NEK10: variants seen among roughly 807,000 people sequenced by gnomAD.
NEK10 encodes NIMA related kinase 10.
In NEK10, 122 loss-of-function variants were observed where a neutral mutation model predicts 159.8. The observed-to-expected ratio is 0.76, with a 90% confidence interval of 0.66 to 0.89. The LOEUF (loss-of-function observed/expected upper bound fraction) is 0.89. Ranked by LOEUF, NEK10 falls within the 40% of genes least tolerant of loss-of-function variation. The pLI, the probability that NEK10 is intolerant of heterozygous loss-of-function variation, is 0.00. For missense variants in NEK10, 1,342 were observed against 1,323.1 expected, an observed-to-expected ratio of 1.01 and a Z score of -0.22; for synonymous variants, 466 against 457.1, an observed-to-expected ratio of 1.02 and a Z score of -0.25.
intron 23 of NEK10, among the ~76,000 whole-genome samples, chr3:27,247,287 A>C (rs192404026): frequency 6.6e-6 from 1 of 151,972 alleles, no homozygotes; most frequent in African/African-American, 2.4e-5. Context: ...TTTTATGTTG[A>C]GGTATGTTCT....
chr3:27,310,819 A>C (rs1575689896), intron 9 of NEK10, 130 bp downstream of exon 9: 1 of 541,064 alleles, frequency 1.8e-6, no homozygotes, highest in East Asian at 3.0e-5. Flanking sequence ...AAAGATCCAC[A>C]ATCTCAGGCC....
intron 20 of NEK10, among the ~76,000 whole-genome samples, chr3:27,287,136 T>TAAAAAAAAAAAAAAAAAAAAAAAAA (rs36078735): frequency 7.4e-6 from 1 of 134,512 alleles, no homozygotes; most frequent in Non-Finnish European, 1.6e-5. Flanking sequence ...AGGCCCTACT[T>TAAAAAAAAAAAAAAAAAAAAAAAAA]AAAAAAAAAA....
intron 23 of NEK10, among the ~76,000 whole-genome samples, chr3:27,211,697 CA>C (rs1220601358): frequency 6.6e-6 from 1 of 152,122 alleles, no homozygotes; most frequent in East Asian, 1.9e-4. Flanking sequence ...CGTTCATCTC[CA>C]AGCAATACTA....
intron 5 of NEK10, among the ~76,000 whole-genome samples, chr3:27,339,562 C>T (rs1240436690): frequency 1.3e-5 from 2 of 152,066 alleles, no homozygotes; most frequent in South Asian, 2.1e-4. Context: ...GGAAGGATCA[C>T]GAGGTCAAGA....
rs528599043 is a variant in NEK10 at position 27,150,414 on chromosome 3, C to T, written c.2870-8832G>A. 3.9e-5 allele frequency among the ~76,000 whole-genome samples: 6 copies of T among 152,272 alleles called. No individual in the cohort carries two copies. The East Asian group carries it at 1.2e-3, about 29-fold the overall frequency. On this transcript the variant is annotated intron_variant, in intron 30 of 35. Coordinates refer to ENST00000691995, the MANE Select transcript of NEK10 (RefSeq NM_001394966.1). ...GTTAGGAGCTAACGCAACAGGTAAT[C>T]TTAGGTTGAAGCCAATGCTTATTGA...
chr3:27,139,469 T>C (rs555422710), intron 31 of NEK10, among the ~76,000 whole-genome samples: 1 of 152,252 alleles, frequency 6.6e-6, no homozygotes, highest in Admixed American at 6.5e-5. Flanking sequence ...TGACCCAGTA[T>C]GAAATAGGAA....
chr3:27,235,184 C>T (rs1235657750), intron 23 of NEK10, among the ~76,000 whole-genome samples: 1 of 152,052 alleles, frequency 6.6e-6, no homozygotes, highest in East Asian at 1.9e-4. Context: ...CTAGGCAATA[C>T]CATTTAGGAC....
chr3:27,281,612 C>T (rs1481895580), intron 22 of NEK10, among the ~76,000 whole-genome samples: 1 of 151,892 alleles, frequency 6.6e-6, no homozygotes, highest in Non-Finnish European at 1.5e-5. Flanking sequence ...TTGTAGCAAG[C>T]GAACATCCAA....
At chr3:27,206,547 T>A in intron 23 of NEK10, 3 of 969,224 alleles carry the variant, frequency 3.1e-6, no homozygotes, top group Non-Finnish European at 3.7e-6. Context: ...CTTCATTCAC[T>A]CATTCATCTT....
chr3:27,279,010 G>A, intron 22 of NEK10: 1 of 705,748 alleles, frequency 1.4e-6, no homozygotes, highest in Non-Finnish European at 1.7e-6. Context: ...TCAAAAGATA[G>A]TCTTTCAAAT....
At chr3:27,143,055 T>G (rs1441592076) in intron 30 of NEK10, among the ~76,000 whole-genome samples, 2 of 152,324 alleles carry the variant, frequency 1.3e-5, no homozygotes, top group Admixed American at 1.3e-4. Flanking sequence ...AAAGAGTTAA[T>G]GTAGCTCTAA....
chr3:27,303,938 A>G (rs971753811), intron 12 of NEK10, among the ~76,000 whole-genome samples: 1 of 152,234 alleles, frequency 6.6e-6, no homozygotes, highest in African/African-American at 2.4e-5. Context: ...TTCAGCACCC[A>G]TAGAACTGAA....
chr3:27,291,456 G>A, intron 17 of NEK10, 28 bp downstream of exon 17: 1 of 1,599,646 alleles, frequency 6.3e-7, no homozygotes, highest in Non-Finnish European at 8.6e-7. Flanking sequence ...ATAGCAGCCT[G>A]CCAAAATATT....
chr3:27,253,112 T>C (rs1198167896), intron 23 of NEK10, among the ~76,000 whole-genome samples: 1 of 152,232 alleles, frequency 6.6e-6, no homozygotes, highest in Non-Finnish European at 1.5e-5. Context: ...ATCCATCCAA[T>C]TTAAAGTTCA....
intron 26 of NEK10, among the ~76,000 whole-genome samples, chr3:27,190,185 G>A (rs1359802648): frequency 1.3e-5 from 2 of 152,060 alleles, no homozygotes; most frequent in Non-Finnish European, 2.9e-5. Flanking sequence ...CTTAATTTAC[G>A]GATGAGTATA....
chr3:27,216,718 T>C (rs1951565593), intron 23 of NEK10, among the ~76,000 whole-genome samples: 1 of 152,180 alleles, frequency 6.6e-6, no homozygotes, highest in Non-Finnish European at 1.5e-5. Flanking sequence ...AATATCCTCC[T>C]TAAAAGAGAT....
chr3:27,352,780 T>A lies in NEK10; in HGVS notation c.71+32A>T, dbSNP rs28412853. 1,926 of 1,485,052 alleles carry A rather than the reference T, an allele frequency of 1.3e-3. 20 individuals carry two copies. The African/African-American group carries it at 0.023, about 18-fold the overall frequency. The allele number at this position is 1,485,052 out of a possible 1,614,324, so 92.0% of individuals were successfully genotyped here. A position where few individuals can be genotyped will look rare whatever the true frequency, so the allele number is the denominator to read the frequency against. ...TCTGTTCAATGGCCACTGCCTGAGT[T>A]AACAATTAGCAAACACTCAGTAGGG... is the stretch of plus-strand genomic sequence containing the variant. On this transcript the variant is annotated intron_variant, in intron 2 of 35. Coordinates refer to ENST00000691995, the MANE Select transcript of NEK10 (RefSeq NM_001394966.1).
chr3:27,344,045 G>C (rs1373607187), intron 5 of NEK10, among the ~76,000 whole-genome samples: 2 of 152,126 alleles, frequency 1.3e-5, no homozygotes, highest in Non-Finnish European at 2.9e-5. Flanking sequence ...AAGAAAACAT[G>C]ATAACGAGTG....
chr3:27,361,684 G>A (rs1234626570), intron 1 of NEK10, among the ~76,000 whole-genome samples: 1 of 152,124 alleles, frequency 6.6e-6, no homozygotes, highest in Non-Finnish European at 1.5e-5. Context: ...AAGTAATAAA[G>A]TAAGTACAGA....
Sources: gnomAD v4.1 joint callset for allele counts (sites outside exome capture counted in the v4.1 genomes callset) on GRCh38, gnomAD v4.1.1 for gene constraint, MANE v1.5 for transcripts, NCBI Gene and HGNC (gene_info 2026-07-23, HGNC 2026-07-21) for gene names.